Variants in F13A1 observed in about 807,000 individuals in gnomAD.
The protein encoded by F13A1 is FSF, A subunit.
In F13A1, 47 loss-of-function variants were observed where a neutral mutation model predicts 80.1. The ratio of observed to expected loss-of-function variants is 0.59; its 90% CI spans 0.46 to 0.75. The LOEUF is 0.75. F13A1 is among the 30% of genes least tolerant of loss of function. The pLI is 0.00. For missense variants in F13A1, 817 were observed against 930.4 expected (o/e 0.88, Z 1.59); for synonymous variants, 349 against 344.9 (o/e 1.01, Z -0.13).
In F13A1 at chr6:6,266,654, G is replaced by A. The variant is rs776782223; in HGVS notation, c.475C>T (p.Arg159Cys). The A allele has an allele frequency of 1.1e-5, 18 of 1,614,044 alleles. No homozygotes were observed. The highest frequency in any genetic ancestry group is 6.6e-5 in the South Asian group (6 of 91,074). Residue 159 changes from arginine (R) to cysteine (C), a missense_variant, in exon 4 of 15, where the codon CGC (arginine) becomes TGC (cysteine). Physicochemically the swap from Arg to Cys is radical, Grantham distance 180. Transcript: ENST00000264870. ...SSPKCIVGKF[R>C]MYVAVWTPYG... ...GGAGTCCAGACAGCAACATACATGC[G>A]GAATTTCCCCACAATACATTTGGGG... is the stretch of plus-strand genomic sequence containing the variant.
intron 8 of F13A1, among the ~76,000 whole-genome samples, chr6:6,217,445 G>A (rs1400571191): frequency 1.4e-4 from 20 of 148,032 alleles, no homozygotes; most frequent in African/African-American, 4.5e-4. Context: ...ACCAAACACC[G>A]CATATTCTCA....
chr6:6,190,044 G>T lies in F13A1; in HGVS notation c.1305+5753C>A, dbSNP rs1267827598. On this transcript the variant is annotated intron_variant, in intron 10 of 14. Transcript: ENST00000264870. The stretch of plus-strand genomic sequence containing the variant: ...CTCCTGAGGCTTCTGCATTCTTCAC[G>T]TAGGTCTTGAGCCTTGCTTTTCAGC... Among the ~76,000 whole-genome samples the T allele has an allele frequency of 4.9e-3, 750 of 151,782 alleles. 9 individuals carry two copies. The highest frequency in any genetic ancestry group is 0.016 in the African/African-American group (676 of 41,206).
intron 6 of F13A1, among the ~76,000 whole-genome samples, chr6:6,230,209 C>T (rs905480761): frequency 1.3e-5 from 2 of 152,008 alleles, no homozygotes; most frequent in African/African-American, 4.8e-5. Flanking sequence ...TTTTCAAGGC[C>T]ATCTTGCCCT....
At chr6:6,183,536 A>G (rs1349938643) in intron 10 of F13A1, among the ~76,000 whole-genome samples, 2 of 152,228 alleles carry the variant, frequency 1.3e-5, no homozygotes, top group African/African-American at 4.8e-5. Flanking sequence ...AGGAGGTGGG[A>G]CCTAAATCAC....
chr6:6,217,701 A>T (rs1251293581), intron 8 of F13A1, among the ~76,000 whole-genome samples: 1 of 152,014 alleles, frequency 6.6e-6, no homozygotes, highest in Admixed American at 6.5e-5. Context: ...TAAAAATAAA[A>T]ATAAAATAAT....
intron 6 of F13A1, among the ~76,000 whole-genome samples, chr6:6,227,505 A>T (rs1161274077): frequency 6.6e-6 from 1 of 152,216 alleles, no homozygotes; most frequent in Non-Finnish European, 1.5e-5. Context: ...TATATTAAAG[A>T]TCAGTACTTC....
chr6:6,190,489 G>A (rs1375269253), intron 10 of F13A1, among the ~76,000 whole-genome samples: 1 of 149,114 alleles, frequency 6.7e-6, no homozygotes, highest in African/African-American at 2.4e-5. Flanking sequence ...TGCTGTGTAA[G>A]GTGTCAGTGT....
intron 2 of F13A1, among the ~76,000 whole-genome samples, chr6:6,312,007 ATATT>A (rs1758609226): frequency 6.8e-6 from 1 of 147,954 alleles, no homozygotes; most frequent in African/African-American, 2.5e-5. Context: ...ATGTGTATAT[ATATT>A]ATATATAAGC....
intron 3 of F13A1, among the ~76,000 whole-genome samples, chr6:6,295,362 C>T (rs1241800556): frequency 4.8e-5 from 7 of 145,414 alleles, no homozygotes; most frequent in East Asian, 2.1e-4. Flanking sequence ...GTCCCACCAA[C>T]AGTGTAAAAT....
In F13A1 at chr6:6,248,345, A is replaced by G. The variant is rs1438947587; in HGVS notation, c.765T>C (p.Asn255=). 1 of 1,613,902 alleles carries G rather than the reference A, an allele frequency of 6.2e-7. No homozygotes were observed. Among genetic ancestry groups the G allele is most frequent in the East Asian group, 2.2e-5 (1 of 44,868 alleles). The change falls in exon 6 of 15, where the codon AAT becomes AAC. Residue 255 remains asparagine (N), a synonymous_variant. Coordinates refer to ENST00000264870, the MANE Select transcript of F13A1 (RefSeq NM_000129.4). ...RAQMDLSGRG[N]PIKVSRVGSA... is the part of the protein sequence containing the mutation. ...ACCCCACACGGCTGACTTTGATGGG[A>G]TTCCCTCTTCCAGAGAGGTCCATTT... is the stretch of plus-strand genomic sequence containing the variant.
chr6:6,218,509 G>T (rs576100848), intron 8 of F13A1, among the ~76,000 whole-genome samples: 1 of 152,158 alleles, frequency 6.6e-6, no homozygotes, highest in African/African-American at 2.4e-5. Flanking sequence ...TCTGGGATCT[G>T]CTACTTTGCA....
At chr6:6,206,694 T>C in intron 8 of F13A1, 1 of 397,472 alleles carries the variant, frequency 2.5e-6, no homozygotes, top group Non-Finnish European at 5.2e-6. Flanking sequence ...ATTTTTTACA[T>C]TCCTTCATTA....
intron 3 of F13A1, among the ~76,000 whole-genome samples, chr6:6,299,396 T>G (rs971241469): frequency 5.3e-5 from 7 of 132,356 alleles, no homozygotes; most frequent in East Asian, 2.1e-4. Context: ...CAATCAGACG[T>G]AGATTTGGTC....
rs192098015 is a variant in F13A1 at position 6,162,651 on chromosome 6, G to A, written c.1908+4807C>T. 2.4e-3 allele frequency among the ~76,000 whole-genome samples: 362 copies of A among 152,268 alleles called. 1 individual carries two copies. The highest frequency in any genetic ancestry group is 7.9e-3 in the African/African-American group (329 of 41,538). On this transcript the variant is annotated intron_variant, in intron 13 of 14. Coordinates refer to ENST00000264870, the MANE Select transcript of F13A1 (RefSeq NM_000129.4). The surrounding 1 kb of genome is among the most constrained non-coding windows in gnomAD (Gnocchi z 4.2). ...CCAGTTACTAATAAACAGCAATAATGGCAATAATAGCAGCAACCAACATAT... is the reference window on the plus strand; with the variant it reads ...CCAGTTACTAATAAACAGCAATAATAGCAATAATAGCAGCAACCAACATAT...
chr6:6,269,292 A>G (rs1757888074), intron 3 of F13A1, among the ~76,000 whole-genome samples: 1 of 152,104 alleles, frequency 6.6e-6, no homozygotes, highest in South Asian at 2.1e-4. Context: ...AATAATTGGT[A>G]GTTATCATTA....
chr6:6,206,107 T>C (rs1761484455), intron 8 of F13A1, among the ~76,000 whole-genome samples: 1 of 151,566 alleles, frequency 6.6e-6, no homozygotes, highest in African/African-American at 2.4e-5. Context: ...GTCTCCATAA[T>C]TATTGAAAAG....
intron 8 of F13A1, among the ~76,000 whole-genome samples, chr6:6,211,966 C>G (rs1761622517): frequency 6.6e-6 from 1 of 152,250 alleles, no homozygotes; most frequent in Admixed American, 6.5e-5. Context: ...CTGCGCTTTT[C>G]TGACGGGCTT....
At chr6:6,150,196 G>T (rs956005568) in intron 14 of F13A1, among the ~76,000 whole-genome samples, 3 of 152,186 alleles carry the variant, frequency 2.0e-5, no homozygotes, top group African/African-American at 7.2e-5. Context: ...ACAGCAGGGG[G>T]CTGTATGGAA....
At chr6:6,306,616 G>A (rs1177091795) in intron 2 of F13A1, among the ~76,000 whole-genome samples, 1 of 152,198 alleles carries the variant, frequency 6.6e-6, no homozygotes, top group African/African-American at 2.4e-5. Flanking sequence ...CTAGAGACTG[G>A]TTTCTGCATG....
Sources: gnomAD v4.1 joint callset for allele counts (sites outside exome capture counted in the v4.1 genomes callset) on GRCh38, gnomAD v4.1.1 for gene constraint, Gnocchi (gnomAD v3.1) non-coding constraint, MANE v1.5 for transcripts, NCBI Gene and HGNC (gene_info 2026-07-23, HGNC 2026-07-21) for gene names.